The following ARHGAP10 variants were observed in gnomAD, a reference collection of about 807,000 sequenced individuals.
The protein encoded by ARHGAP10 is rho GTPase-activating protein 10.
Under a neutral mutation model 108.6 loss-of-function variants are expected in ARHGAP10, and 87 were observed. That is an observed-to-expected ratio of 0.80 (90% CI 0.67 to 0.96). The LOEUF (loss-of-function observed/expected upper bound fraction) is 0.96. Among genes scored for constraint, ARHGAP10 ranks in the 40% least tolerant of loss-of-function variants. ARHGAP10 has a pLI of 0.00. For missense variants in ARHGAP10, 939 were observed against 954.5 expected (o/e 0.98, Z 0.21); for synonymous variants, 347 against 341.1 (o/e 1.02, Z -0.19).
intron 18 of ARHGAP10, among the ~76,000 whole-genome samples, chr4:148,005,091 T>C (rs761866620): frequency 1.1e-4 from 16 of 152,216 alleles, no homozygotes; most frequent in Non-Finnish European, 2.4e-4. Context: ...CCCTCACTTA[T>C]TACACTTCAG....
At chr4:147,741,774 ACACACACACACACACACG>A (rs1228137478) in intron 1 of ARHGAP10, among the ~76,000 whole-genome samples, 861 of 37,216 alleles carry the variant, frequency 0.023, 8 homozygotes, top group African/African-American at 0.058. Context: ...CTTTACACAC[ACACACACACACACACACG>A]CACACACACA....
chr4:148,062,184 A>G (rs1232260239), intron 20 of ARHGAP10, among the ~76,000 whole-genome samples: 1 of 152,170 alleles, frequency 6.6e-6, no homozygotes, highest in Non-Finnish European at 1.5e-5. Context: ...GCTGAGTGTC[A>G]CCGTGTTGGA....
chr4:147,829,630 A>G (rs567152373), intron 3 of ARHGAP10, among the ~76,000 whole-genome samples: 3 of 152,204 alleles, frequency 2.0e-5, no homozygotes, highest in South Asian at 4.2e-4. Flanking sequence ...GTGTTCTCAG[A>G]GGAAAGGGCT....
intron 20 of ARHGAP10, among the ~76,000 whole-genome samples, chr4:148,062,001 A>G (rs567363581): frequency 1.3e-5 from 2 of 152,248 alleles, no homozygotes; most frequent in African/African-American, 4.8e-5. Context: ...GCAAGATTAG[A>G]GCAGGGCGGG....
intron 18 of ARHGAP10, among the ~76,000 whole-genome samples, chr4:147,999,154 T>C (rs1740594610): frequency 6.6e-6 from 1 of 152,196 alleles, no homozygotes; most frequent in South Asian, 2.1e-4. Context: ...AACACGGGGC[T>C]TGCAACTTAG....
At chr4:147,974,817 A>G (rs1045408799) in intron 18 of ARHGAP10, among the ~76,000 whole-genome samples, 1 of 152,222 alleles carries the variant, frequency 6.6e-6, no homozygotes, top group Admixed American at 6.5e-5. Flanking sequence ...CCTCACAATC[A>G]TGGCGGAAGG....
intron 5 of ARHGAP10, chr4:147,863,992 G>A (rs978139413): frequency 2.6e-5 from 4 of 152,202 alleles, no homozygotes; most frequent in African/African-American, 9.7e-5. Context: ...AATGATGAGC[G>A]ATGTTGAGTG....
chr4:148,032,090 C>T (rs1728172342), intron 19 of ARHGAP10, among the ~76,000 whole-genome samples: 1 of 151,996 alleles, frequency 6.6e-6, no homozygotes, highest in South Asian at 2.1e-4. Context: ...GTTTTCTCCT[C>T]CCACTCCTCT....
chr4:147,826,022 C>T (rs1183943190), intron 3 of ARHGAP10, among the ~76,000 whole-genome samples: 2 of 152,114 alleles, frequency 1.3e-5, no homozygotes, highest in Non-Finnish European at 2.9e-5. Context: ...GGGCAAGGAG[C>T]CAGGTGGGGC....
At chr4:147,948,601 C>T (rs1044004034) in intron 15 of ARHGAP10, among the ~76,000 whole-genome samples, 1 of 152,028 alleles carries the variant, frequency 6.6e-6, no homozygotes, top group African/African-American at 2.4e-5. Flanking sequence ...ATGCTGTGTC[C>T]TGTAGATAAA....
At chr4:147,886,518 A>G (rs77521627) in intron 10 of ARHGAP10, among the ~76,000 whole-genome samples, 2,390 of 152,260 alleles carry the variant, frequency 0.016, 58 homozygotes, top group African/African-American at 0.052. Context: ...TTCGTCGTGC[A>G]CTCACTTTCT....
At chr4:147,994,778 G>T (rs933337951) in intron 18 of ARHGAP10, among the ~76,000 whole-genome samples, 7 of 152,192 alleles carry the variant, frequency 4.6e-5, no homozygotes, top group African/African-American at 1.7e-4. Context: ...CCTAGGAAAG[G>T]CTTCAAATAC....
intron 7 of ARHGAP10, among the ~76,000 whole-genome samples, chr4:147,870,263 G>A (rs188533904): frequency 6.6e-5 from 10 of 152,124 alleles, no homozygotes; most frequent in East Asian, 5.8e-4. Context: ...GCGATTCACC[G>A]TGTTAGTCAG....
intron 4 of ARHGAP10, among the ~76,000 whole-genome samples, chr4:147,848,802 C>T (rs927248497): frequency 6.6e-6 from 1 of 152,142 alleles, no homozygotes; most frequent in Admixed American, 6.5e-5. Flanking sequence ...CATTTTCCCC[C>T]CTAAACTTTC....
chr4:147,922,390 TAA>T (rs548007269), intron 13 of ARHGAP10, among the ~76,000 whole-genome samples: 4 of 142,792 alleles, frequency 2.8e-5, no homozygotes, highest in Admixed American at 7.0e-5. Context: ...TTAGTTCCTT[TAA>T]AAAAAAAAAA....
chr4:147,784,776 A>ATATTATAAAAT (rs1730782916), intron 1 of ARHGAP10, among the ~76,000 whole-genome samples: 1 of 29,198 alleles, frequency 3.4e-5, no homozygotes, highest in African/African-American at 1.0e-4. Flanking sequence ...TTATAAATAT[A>ATATTATAAAAT]ATATATTATA....
intron 1 of ARHGAP10, among the ~76,000 whole-genome samples, chr4:147,733,116 C>A (rs1324490379): frequency 3.3e-5 from 5 of 152,160 alleles, no homozygotes; most frequent in Admixed American, 6.5e-5. Context: ...ACAGCCTGCC[C>A]TCTAGCCTAG....
At chr4:147,984,557 G>A (rs951394490) in intron 18 of ARHGAP10, among the ~76,000 whole-genome samples, 9 of 152,218 alleles carry the variant, frequency 5.9e-5, no homozygotes, top group African/African-American at 2.2e-4. Context: ...AGATCTGGCT[G>A]TTTTCACTGG....
intron 18 of ARHGAP10, among the ~76,000 whole-genome samples, chr4:148,006,932 T>G (rs1216265833): frequency 2.6e-5 from 4 of 152,204 alleles, no homozygotes; most frequent in African/African-American, 9.7e-5. Flanking sequence ...AGTGGACCTT[T>G]GTGGCCTTTT....
Sources: allele counts gnomAD v4.1 joint callset (sites outside exome capture counted in the v4.1 genomes callset), GRCh38; gene constraint gnomAD v4.1.1; transcripts MANE v1.5; gene names NCBI Gene and HGNC (gene_info 2026-07-23, HGNC 2026-07-21).